Variants in DIP2C observed in about 807,000 individuals in gnomAD.
DIP2C encodes the protein DIP2 acetate--CoA ligase C (putative).
DIP2C carries 33 observed loss-of-function variants against 192.4 expected under a neutral mutation model. The observed-to-expected ratio is 0.17, with a 90% CI of 0.13 to 0.23. The LOEUF (loss-of-function observed/expected upper bound fraction) is 0.23. DIP2C is among the 10% of genes least tolerant of loss of function. The probability of loss-of-function intolerance (pLI) is 1.00; values close to 1 mark genes in which losing one functional copy is unlikely to be tolerated. For missense variants in DIP2C, 1,537 were observed against 2,110.1 expected, an observed-to-expected ratio of 0.73 and a Z score of 5.32; for synonymous variants, 979 against 864.1, an observed-to-expected ratio of 1.13 and a Z score of -2.33.
chr10:336,575 T>C (rs1957777431), intron 29 of DIP2C, among the ~76,000 whole-genome samples: 2 of 152,258 alleles, frequency 1.3e-5, no homozygotes, highest in Non-Finnish European at 2.9e-5. Context: ...TTAACCATGA[T>C]GACAAACAAC....
rs1221783704 is a variant in DIP2C at position 276,849 on chromosome 10, G to T, written c.*476C>A. On this transcript the variant is annotated 3_prime_UTR_variant, in exon 37 of 37. Transcript: ENST00000280886. ...AACTTTCCTAAAAGGATGAGATCTA[G>T]CAATGGCTTAAATTAGTAACAGATC... is the stretch of plus-strand genomic sequence containing the variant. 1 of 157,312 alleles carries T rather than the reference G, an allele frequency of 6.4e-6. No individual in the cohort carries two copies. Among genetic ancestry groups the T allele is most frequent in the East Asian group, 1.9e-4 (1 of 5,288 alleles). 9.7% of individuals were successfully genotyped at this position (157,312 alleles called of 1,614,324 possible).
chr10:646,267 C>T (rs1044243544), intron 1 of DIP2C, among the ~76,000 whole-genome samples: 2 of 152,142 alleles, frequency 1.3e-5, no homozygotes, highest in Admixed American at 1.3e-4. Flanking sequence ...CCGTGCCCCC[C>T]GCACCCTGTC....
chr10:330,336 T>C (rs753304764), intron 29 of DIP2C, among the ~76,000 whole-genome samples: 2 of 120,778 alleles, frequency 1.7e-5, no homozygotes, highest in Non-Finnish European at 3.4e-5. Context: ...TTTAGAGAAA[T>C]GAAAAAGTGA....
chr10:680,689 C>G (rs564638120), intron 1 of DIP2C, among the ~76,000 whole-genome samples: 1 of 152,292 alleles, frequency 6.6e-6, no homozygotes, highest in Non-Finnish European at 1.5e-5. Flanking sequence ...AATTTCCATG[C>G]GATGAGAAAG....
intron 3 of DIP2C, among the ~76,000 whole-genome samples, chr10:445,612 A>G (rs1564721280): frequency 7.9e-6 from 1 of 126,504 alleles, no homozygotes; most frequent in East Asian, 2.1e-4. Context: ...GCATCTGTAT[A>G]CAACTGTTGC....
intron 1 of DIP2C, among the ~76,000 whole-genome samples, chr10:637,504 T>C (rs780965915): frequency 2.6e-5 from 4 of 152,210 alleles, no homozygotes; most frequent in Non-Finnish European, 5.9e-5. Flanking sequence ...GCCTTCTCAC[T>C]GGGTCCGCAC....
rs139497373 is a variant in DIP2C at position 328,144 on chromosome 10, G to A, written c.3754-968C>T. Among the ~76,000 whole-genome samples the A allele has an allele frequency of 1.4e-3, 220 of 152,348 alleles. 1 individual carries two copies. In the East Asian group the frequency reaches 0.016, roughly 11 times the overall value. On this transcript the variant is annotated intron_variant, in intron 30 of 36. Transcript: ENST00000280886. ...GACAAGGGTCCTGAGCAAGGAGGACGCACAGCTCGAGCTGGCTTTGACATT... is the reference window on the plus strand; with the variant it reads ...GACAAGGGTCCTGAGCAAGGAGGACACACAGCTCGAGCTGGCTTTGACATT...
chr10:499,606 A>C (rs572543848), intron 1 of DIP2C, among the ~76,000 whole-genome samples: 2 of 152,342 alleles, frequency 1.3e-5, no homozygotes, highest in East Asian at 3.9e-4. Context: ...TGGTGGCTGC[A>C]GGTCGCAGGA....
intron 1 of DIP2C, among the ~76,000 whole-genome samples, chr10:612,842 CAAG>C (rs1282704212): frequency 1.3e-5 from 2 of 152,320 alleles, no homozygotes; most frequent in South Asian, 2.1e-4. Flanking sequence ...TCCGGAAAGT[CAAG>C]AAGTGTCAGG....
At chr10:460,169 C>A (rs1969657280) in intron 3 of DIP2C, among the ~76,000 whole-genome samples, 1 of 152,198 alleles carries the variant, frequency 6.6e-6, no homozygotes, top group Non-Finnish European at 1.5e-5. Flanking sequence ...TAGGATCTTC[C>A]TCTCCCAGTC....
At chr10:599,115 G>A (rs1851899486) in intron 1 of DIP2C, among the ~76,000 whole-genome samples, 2 of 152,118 alleles carry the variant, frequency 1.3e-5, no homozygotes, top group South Asian at 2.1e-4. Context: ...CCCAGCGTGG[G>A]AGCCAAGTTA....
chr10:631,826 C>T (rs533824561), intron 1 of DIP2C, among the ~76,000 whole-genome samples: 54 of 152,158 alleles, frequency 3.5e-4, no homozygotes, highest in African/African-American at 1.2e-3. Flanking sequence ...TGAAGTTTGG[C>T]GAAGGCATTT....
At chr10:515,943 C>T (rs572938853) in intron 1 of DIP2C, among the ~76,000 whole-genome samples, 22 of 152,116 alleles carry the variant, frequency 1.4e-4, no homozygotes, top group East Asian at 7.8e-4. Context: ...AGGCCACACA[C>T]GGAGAGTTTA....
chr10:650,047 G>C, intron 1 of DIP2C: 1 of 700,260 alleles, frequency 1.4e-6, no homozygotes, highest in Non-Finnish European at 2.6e-6. Context: ...CTTTCCTCCT[G>C]CATCTGGGAG....
intron 24 of DIP2C, among the ~76,000 whole-genome samples, chr10:350,602 C>T (rs1042887153): frequency 3.8e-4 from 57 of 148,732 alleles, no homozygotes; most frequent in Non-Finnish European, 6.9e-4. Context: ...ACTGCAGAGC[C>T]GAAGAGTGAC....
chr10:320,974 G>T (rs943058743), intron 31 of DIP2C, among the ~76,000 whole-genome samples: 7 of 151,906 alleles, frequency 4.6e-5, no homozygotes, highest in African/African-American at 7.3e-5. Flanking sequence ...GATGAGGGCA[G>T]AGGAGAGTCC....
rs1854967259 is a variant in DIP2C at position 638,671 on chromosome 10, C to A, written c.85+50823G>T. Among the ~76,000 whole-genome samples the A allele has an allele frequency of 2.0e-5, 3 of 152,240 alleles. No individual in the cohort carries two copies. In the South Asian group the frequency reaches 6.2e-4, roughly 32 times the overall value. ...GGCCAAGAAGTTCCTTCCCCTCTCC[C>A]CTTACCTCCCATTTTGGTGACAAAC... On this transcript the variant is annotated intron_variant, in intron 1 of 36. Transcript: ENST00000280886.
chr10:570,567 A>AC (rs1276370324), intron 1 of DIP2C, among the ~76,000 whole-genome samples: 3 of 152,102 alleles, frequency 2.0e-5, no homozygotes, highest in Non-Finnish European at 4.4e-5. Context: ...CAGTACCTGC[A>AC]CCCAACACTA....
intron 2 of DIP2C, among the ~76,000 whole-genome samples, chr10:479,520 G>C (rs752588053): frequency 2.0e-5 from 3 of 151,870 alleles, no homozygotes; most frequent in Non-Finnish European, 4.4e-5. Context: ...TTTTTTAGTA[G>C]AGATGGGGTT....
Sources: gnomAD v4.1 joint callset for allele counts (sites outside exome capture counted in the v4.1 genomes callset) on GRCh38, gnomAD v4.1.1 for gene constraint, MANE v1.5 for transcripts, NCBI Gene and HGNC (gene_info 2026-07-23, HGNC 2026-07-21) for gene names.